The following LITAF variants were observed in gnomAD, a reference collection of about 807,000 sequenced individuals.
LITAF encodes lipopolysaccharide induced TNF factor.
A neutral mutation model predicts 14.5 loss-of-function variants in LITAF; 9 were observed. That is an observed-to-expected ratio of 0.62 (90% confidence interval 0.37 to 1.08). The LOEUF (loss-of-function observed/expected upper bound fraction) is 1.08. Ranked by LOEUF, LITAF falls within the 50% of genes least tolerant of loss-of-function variation. The pLI, the probability that LITAF is intolerant of heterozygous loss-of-function variation, is 0.01. For missense variants in LITAF, 206 were observed against 213.4 expected (o/e 0.97, Z 0.22); for synonymous variants, 98 against 88.2 (o/e 1.11, Z -0.62).
chr16:11,627,586 G>C (rs997036458), intron 3 of LITAF, among the ~76,000 whole-genome samples: 7 of 152,248 alleles, frequency 4.6e-5, no homozygotes, highest in Non-Finnish European at 7.3e-5. Flanking sequence ...GCTCACGCCT[G>C]TAATCCCAGC....
At chr16:11,568,288 GAAA>G (rs35115784) in intron 1 of LITAF, among the ~76,000 whole-genome samples, 3 of 115,790 alleles carry the variant, frequency 2.6e-5, no homozygotes, top group Admixed American at 9.5e-5. Flanking sequence ...ACCCTGTCTC[GAAA>G]AAAAAAAAAA....
rs111675716 is a variant in LITAF at position 11,619,206 on chromosome 16, G to T, written c.85+14327C>A. 7.0e-4 allele frequency among the ~76,000 whole-genome samples: 106 copies of T among 152,024 alleles called. 1 individual carries two copies. Among genetic ancestry groups the T allele is most frequent in the African/African-American group, 2.4e-3 (98 of 41,468 alleles). ...CTTGCCTGTAATCCCAGCTACTTGG[G>T]ATGCTGAGGGAGGAGAGTCGTTTGA... On this transcript the variant is annotated intron_variant, in intron 3 of 3. Coordinates refer to the LITAF transcript ENST00000574848.
intron 1 of LITAF, among the ~76,000 whole-genome samples, chr16:11,594,658 T>C (rs1330924958): frequency 2.0e-5 from 3 of 152,070 alleles, no homozygotes; most frequent in African/African-American, 7.2e-5. Flanking sequence ...GGTGGATCGC[T>C]TGAGGCTAAG....
At chr16:11,630,656 G>T (rs547476571) in intron 3 of LITAF, among the ~76,000 whole-genome samples, 1 of 147,862 alleles carries the variant, frequency 6.8e-6, no homozygotes, top group Admixed American at 6.9e-5. Flanking sequence ...AAAGCTCACT[G>T]CAGCCTCAAA....
In LITAF at chr16:11,548,562, G is replaced by A. The variant is rs1173855188; in HGVS notation, c.*1075C>T. ...ATCACATTAACCCCAAGTAAAGGCA[G>A]TAGATGAAATTATCCATTTCTTTTT... On this transcript the variant is annotated 3_prime_UTR_variant, in exon 4 of 4. Coordinates refer to ENST00000622633, the MANE Select transcript of LITAF (RefSeq NM_001136472.2). The A allele has an allele frequency of 1.1e-5, 5 of 452,562 alleles. No homozygotes were observed. The highest frequency in any genetic ancestry group is 4.7e-5 in the South Asian group (3 of 63,990). 28.0% of individuals were successfully genotyped at this position (452,562 alleles called of 1,614,324 possible). A position where few individuals can be genotyped will look rare whatever the true frequency, so the allele number is the denominator to read the frequency against.
At chr16:11,638,131 T>TAGAG (rs1342823855), upstream of LITAF, among the ~76,000 whole-genome samples, 371 of 145,914 alleles carry the variant, frequency 2.5e-3, 3 homozygotes, top group Non-Finnish European at 4.9e-3. Flanking sequence ...GATAGATAGA[T>TAGAG]AGATAGATAG....
chr16:11,554,199 T>C (rs1302386337), intron 2 of LITAF, among the ~76,000 whole-genome samples: 2 of 152,152 alleles, frequency 1.3e-5, no homozygotes, highest in Non-Finnish European at 2.9e-5. Context: ...GCCACTGCTC[T>C]CCAGCCTGGA....
chr16:11,595,085 C>A (rs559724308), intron 1 of LITAF, among the ~76,000 whole-genome samples: 1 of 152,216 alleles, frequency 6.6e-6, no homozygotes, highest in South Asian at 2.1e-4. Context: ...GTAAACAGCC[C>A]CCACTGACTG....
upstream of LITAF, among the ~76,000 whole-genome samples, chr16:11,587,971 T>A (rs112508579): frequency 1.2e-3 from 183 of 152,118 alleles, no homozygotes; most frequent in African/African-American, 4.2e-3. Flanking sequence ...ATCCCATGCC[T>A]TTACCCGAGG....
chr16:11,618,428 G>T (rs1350000243), intron 3 of LITAF, among the ~76,000 whole-genome samples: 1 of 152,294 alleles, frequency 6.6e-6, no homozygotes, highest in Middle Eastern at 3.4e-3. Context: ...CAGTCCTGTG[G>T]GACTGAGTCC....
At chr16:11,615,511 G>A (rs910955298) in intron 3 of LITAF, among the ~76,000 whole-genome samples, 2 of 151,710 alleles carry the variant, frequency 1.3e-5, no homozygotes, top group Non-Finnish European at 2.9e-5. Flanking sequence ...CACTGCAGCC[G>A]GGGCAAAAAG....
chr16:11,636,537 G>C (rs1352850439), upstream of LITAF, among the ~76,000 whole-genome samples: 1 of 152,216 alleles, frequency 6.6e-6, no homozygotes, highest in Non-Finnish European at 1.5e-5. Context: ...GCATGAAGAA[G>C]CTGGCTGCCC....
At chr16:11,574,648 T>C (rs1281562806) in intron 1 of LITAF, among the ~76,000 whole-genome samples, 1 of 152,152 alleles carries the variant, frequency 6.6e-6, no homozygotes, top group African/African-American at 2.4e-5. Flanking sequence ...GCCCTTTGTG[T>C]TCCTGCCCAG....
chr16:11,605,871 C>A lies in LITAF; in HGVS notation c.85+27662G>T, dbSNP rs868092285. On this transcript the variant is annotated intron_variant, in intron 3 of 3. Coordinates refer to the LITAF transcript ENST00000574848. The surrounding 1 kb of genome is among the most constrained non-coding windows in gnomAD (Gnocchi z 4.7). Reference sequence around the variant, plus strand: ...CAGGAGGTAGGTTCCACTGTTCCCACGGAAACTTATCAATAGCTGCCTCTT... The same window carrying A: ...CAGGAGGTAGGTTCCACTGTTCCCAAGGAAACTTATCAATAGCTGCCTCTT... Among the ~76,000 whole-genome samples, 5 of 152,176 alleles carry A rather than the reference C, an allele frequency of 3.3e-5. No homozygotes were observed. Among genetic ancestry groups the A allele is most frequent in the African/African-American group, 1.2e-4 (5 of 41,436 alleles).
At position 11,558,921 on chromosome 16, in the gene LITAF, G is replaced by T. The variant is rs1208565917; in HGVS notation, c.-5-2186C>A. ...TCTGTATCTGCTGCCCAATATAGCAGCCACCAGTCACGTAAGGTTATTGGG... is the reference window on the plus strand; with the variant it reads ...TCTGTATCTGCTGCCCAATATAGCATCCACCAGTCACGTAAGGTTATTGGG... On this transcript the variant is annotated intron_variant, in intron 1 of 3. Coordinates refer to ENST00000622633, the MANE Select transcript of LITAF (RefSeq NM_001136472.2). The surrounding 1 kb of genome is among the most constrained non-coding windows in gnomAD (Gnocchi z 4.1). 6.6e-6 allele frequency among the ~76,000 whole-genome samples: 1 copy of T among 152,118 alleles called. No individual in the cohort carries two copies. The highest frequency in any genetic ancestry group is 1.5e-5 in the Non-Finnish European group (1 of 68,022).
chr16:11,578,504 C>G (rs1301113076), intron 1 of LITAF, among the ~76,000 whole-genome samples: 1 of 152,184 alleles, frequency 6.6e-6, no homozygotes, highest in African/African-American at 2.4e-5. Context: ...GCACTGTAGC[C>G]TGGGCAACAA....
chr16:11,574,021 G>T (rs1231470300), intron 1 of LITAF, among the ~76,000 whole-genome samples: 7 of 141,776 alleles, frequency 4.9e-5, no homozygotes, highest in African/African-American at 1.1e-4. Flanking sequence ...TTTTTTTTTT[G>T]TTGTTGTTTT....
chr16:11,568,983 C>CA (rs2064500655), intron 1 of LITAF, among the ~76,000 whole-genome samples: 2 of 152,008 alleles, frequency 1.3e-5, no homozygotes, highest in Admixed American at 1.3e-4. Flanking sequence ...TTCAGCCTGA[C>CA]ACCACTGTCA....
At chr16:11,601,689 A>T (rs1419380246), upstream of LITAF, among the ~76,000 whole-genome samples, 1 of 152,064 alleles carries the variant, frequency 6.6e-6, no homozygotes, top group East Asian at 1.9e-4. Flanking sequence ...CCCCTGCCTC[A>T]GCCTCCCCAG....
Sources: allele counts gnomAD v4.1 joint callset (sites outside exome capture counted in the v4.1 genomes callset), GRCh38; gene constraint gnomAD v4.1.1; non-coding constraint Gnocchi (gnomAD v3.1); transcripts MANE v1.5; gene names NCBI Gene and HGNC (gene_info 2026-07-23, HGNC 2026-07-21).